Variants in EXOG observed in about 807,000 individuals in gnomAD.
The protein encoded by EXOG is nuclease EXOG, mitochondrial.
A neutral mutation model predicts 25.8 loss-of-function variants in EXOG; 27 were observed. The ratio of observed to expected loss-of-function variants is 1.05; its 90% CI spans 0.77 to 1.45. The LOEUF is 1.45. Ranked by LOEUF, EXOG falls within the 40% of genes most tolerant of loss-of-function variation. EXOG has a pLI of 0.00. For synonymous variants in EXOG, 133 were observed against 167.0 expected, an observed-to-expected ratio of 0.80 and a Z score of 1.57; for missense variants, 458 against 450.5, an observed-to-expected ratio of 1.02 and a Z score of -0.15.
chr3:38,502,679 A>T (rs765810318), intron 3 of EXOG, among the ~76,000 whole-genome samples: 42 of 152,302 alleles, frequency 2.8e-4, no homozygotes, highest in Admixed American at 2.2e-3. Flanking sequence ...CTAAAATACA[A>T]TGTATAGTCA....
intron 4 of EXOG, among the ~76,000 whole-genome samples, chr3:38,504,359 C>T (rs1428920421): frequency 9.7e-6 from 1 of 102,840 alleles, no homozygotes; most frequent in Non-Finnish European, 1.7e-5. Context: ...GAGCAAGACC[C>T]TATCTCAAAA....
At chr3:38,499,602 A>G (rs2059987354) in intron 2 of EXOG, 2 of 448,296 alleles carry the variant, frequency 4.5e-6, no homozygotes, top group Admixed American at 2.4e-5. Context: ...CTGAAACAGA[A>G]AATGTTAGTA....
rs528291267 is a variant in EXOG, at chr3:38,512,931, C to T, written c.645+5963C>T. The stretch of plus-strand genomic sequence containing the variant: ...CCCACTTCAGCCTACCAAGTAGCTA[C>T]GACTACAGGCATGCACCACCATGCC... On this transcript the variant is annotated intron_variant, in intron 5 of 5. Transcript: ENST00000287675. Among the ~76,000 whole-genome samples, 10 of 152,196 alleles carry T rather than the reference C, an allele frequency of 6.6e-5. No homozygotes were observed. The South Asian group carries it at 2.1e-3, about 32-fold the overall frequency.
At chr3:38,513,346 G>C (rs992822428) in intron 5 of EXOG, among the ~76,000 whole-genome samples, 3 of 152,126 alleles carry the variant, frequency 2.0e-5, no homozygotes, top group African/African-American at 7.2e-5. Context: ...GTTGGTCTTT[G>C]AGTTTGTAAT....
At chr3:38,517,930 G>A (rs2060598626) in intron 5 of EXOG, among the ~76,000 whole-genome samples, 1 of 151,868 alleles carries the variant, frequency 6.6e-6, no homozygotes, top group Admixed American at 6.6e-5. Context: ...ATTAGTTTTG[G>A]CATTATATTT....
intron 5 of EXOG, among the ~76,000 whole-genome samples, chr3:38,507,476 C>T (rs1575630898): frequency 1.3e-5 from 2 of 152,188 alleles, no homozygotes; most frequent in South Asian, 2.1e-4. Context: ...GCTTATGGTA[C>T]AAAACAGTGT....
intron 5 of EXOG, among the ~76,000 whole-genome samples, chr3:38,512,833 G>A (rs1015243705): frequency 2.0e-5 from 3 of 152,088 alleles, no homozygotes; most frequent in Non-Finnish European, 2.9e-5. Context: ...GTCTTGCTCT[G>A]TCTGCTAGGC....
intron 5 of EXOG, among the ~76,000 whole-genome samples, chr3:38,515,234 A>G (rs781680466): frequency 3.3e-5 from 5 of 152,176 alleles, no homozygotes; most frequent in Non-Finnish European, 7.4e-5. Context: ...CAAGTTCTCT[A>G]GAGTAGTTTT....
Position 38,524,909 on chromosome 3 carries a change from A to C in EXOG, c.*547A>C, listed in dbSNP as rs1490901065. 2.0e-6 allele frequency: 2 copies of C among 985,554 alleles called. No individual in the cohort carries two copies. The highest frequency in any genetic ancestry group is 3.5e-5 in the African/African-American group (2 of 57,228). The allele number at this position is 985,554 out of a possible 1,614,324, so 61.1% of individuals were successfully genotyped here. On this transcript the variant is annotated 3_prime_UTR_variant, in exon 6 of 6. Coordinates refer to ENST00000287675, the MANE Select transcript of EXOG (RefSeq NM_005107.4). ...TGCATTGTCTGTGATGTATCTGCCC[A>C]GCCTTCTCAGAACTCAATGTTGTAC...
Position 38,525,940 on chromosome 3 carries a change from T to C in EXOG, c.*1578T>C. On this transcript the variant is annotated 3_prime_UTR_variant, in exon 6 of 6. Coordinates refer to ENST00000287675, the MANE Select transcript of EXOG (RefSeq NM_005107.4). Reference sequence around the variant, plus strand: ...GCCTGGGCCACAGAGGGAGACCCTGTCTCAAAAAAAGAAAAGAAAAAAGAA... The same window carrying C: ...GCCTGGGCCACAGAGGGAGACCCTGCCTCAAAAAAAGAAAAGAAAAAAGAA... The C allele has an allele frequency of 1.0e-6, 1 of 980,008 alleles. No homozygotes were observed. The allele number at this position is 980,008 out of a possible 1,614,324, so 60.7% of individuals were successfully genotyped here. A position where few individuals can be genotyped will look rare whatever the true frequency, so the allele number is the denominator to read the frequency against.
intron 4 of EXOG, among the ~76,000 whole-genome samples, 199 bp downstream of exon 4, chr3:38,503,890 C>T (rs1172121218): frequency 6.6e-6 from 1 of 152,140 alleles, no homozygotes; most frequent in East Asian, 1.9e-4. Context: ...CAAAACGTAG[C>T]CTGCCTTTTT....
intron 5 of EXOG, among the ~76,000 whole-genome samples, chr3:38,510,447 G>A (rs1487965925): frequency 6.6e-6 from 1 of 152,016 alleles, no homozygotes; most frequent in Non-Finnish European, 1.5e-5. Flanking sequence ...AAATTGTTCT[G>A]TGATATGTAA....
At chr3:38,502,620 C>G (rs2060081250) in intron 3 of EXOG, among the ~76,000 whole-genome samples, 1 of 151,926 alleles carries the variant, frequency 6.6e-6, no homozygotes, top group African/African-American at 2.4e-5. Flanking sequence ...AGTATCACAC[C>G]AAGAAGTGTA....
chr3:38,503,073 G>A (rs899177927), intron 3 of EXOG, among the ~76,000 whole-genome samples: 1 of 152,182 alleles, frequency 6.6e-6, no homozygotes, highest in Admixed American at 6.5e-5. Context: ...GAGAGCGACT[G>A]CTTGAAGAGA....
intron 5 of EXOG, 145 bp downstream of exon 5, chr3:38,507,113 A>G (rs1575629606): frequency 4.0e-6 from 2 of 501,392 alleles, no homozygotes; most frequent in East Asian, 7.2e-5. Flanking sequence ...ATATTTATTG[A>G]ACACCTATTA....
intron 1 of EXOG, 178 bp from the exon 2 acceptor site, chr3:38,497,451 T>G: frequency 2.2e-6 from 3 of 1,358,430 alleles, no homozygotes; most frequent in East Asian, 2.8e-5. Flanking sequence ...TCTGTTTTCT[T>G]CATCTCATAA....
chr3:38,496,797 T>G, intron 1 of EXOG: 1 of 1,433,838 alleles, frequency 7.0e-7, no homozygotes, highest in Non-Finnish European at 9.2e-7. Flanking sequence ...TCCCCCCAGT[T>G]ACTCATCGCG....
intron 2 of EXOG, chr3:38,499,615 T>C (rs778621741): frequency 6.6e-6 from 3 of 452,692 alleles, no homozygotes; most frequent in Admixed American, 2.4e-5. Context: ...TGTTAGTATA[T>C]AAAAAGTGTA....
In EXOG at chr3:38,506,931, A is replaced by T; in HGVS notation, c.608A>T (p.Gln203Leu). 1.3e-6 allele frequency: 2 copies of T among 1,594,034 alleles called. No individual in the cohort carries two copies. Among genetic ancestry groups the T allele is most frequent in the South Asian group, 1.1e-5 (1 of 90,600 alleles). Residue 203 changes from glutamine to leucine, a missense_variant, in exon 5 of 6, where the codon CAG (glutamine) becomes CTG (leucine). Gln to Leu is a moderately radical substitution (Grantham distance 113). Transcript: ENST00000287675. ...GTATCTGGGCCTTTGACCTTACCTC[A>T]GACTAGAGGCGATGGAAAGAAAATA... ...WVVSGPLTLP[Q>L]TRGDGKKIVS...
Sources: gnomAD v4.1 joint callset for allele counts (sites outside exome capture counted in the v4.1 genomes callset) on GRCh38, gnomAD v4.1.1 for gene constraint, MANE v1.5 for transcripts, NCBI Gene and HGNC (gene_info 2026-07-23, HGNC 2026-07-21) for gene names.